The following CTNNA3 variants were observed in gnomAD, a reference collection of about 807,000 sequenced individuals.
CTNNA3 encodes catenin alpha 3.
Under a neutral mutation model 95.7 loss-of-function variants are expected in CTNNA3, and 76 were observed. That is an observed-to-expected ratio of 0.79 (90% CI 0.66 to 0.96). The LOEUF is 0.96. CTNNA3 is among the 40% of genes least tolerant of loss of function. The pLI is 0.00. For synonymous variants in CTNNA3, 431 were observed against 374.4 expected (o/e 1.15, Z -1.74); for missense variants, 1,191 against 1,089.8 (o/e 1.09, Z -1.31).
At chr10:66,768,328 C>G (rs1839948420) in intron 8 of CTNNA3, among the ~76,000 whole-genome samples, 1 of 152,076 alleles carries the variant, frequency 6.6e-6, no homozygotes. Flanking sequence ...CATATGGGAA[C>G]TAACTCAAGC....
chr10:67,380,394 C>G (rs1347695252), intron 5 of CTNNA3, among the ~76,000 whole-genome samples: 1 of 152,122 alleles, frequency 6.6e-6, no homozygotes, highest in Non-Finnish European at 1.5e-5. Context: ...AAAGAATATT[C>G]CTGGAGATTA....
chr10:67,643,191 A>C (rs1839596540), intron 2 of CTNNA3, among the ~76,000 whole-genome samples: 1 of 152,208 alleles, frequency 6.6e-6, no homozygotes, highest in East Asian at 1.9e-4. Context: ...TGGAGTTGGA[A>C]GTCATTATCC....
At chr10:66,678,424 G>T (rs75778721) in intron 9 of CTNNA3, among the ~76,000 whole-genome samples, 2 of 152,192 alleles carry the variant, frequency 1.3e-5, no homozygotes, top group South Asian at 4.1e-4. Context: ...ATAATTATTT[G>T]GTCCCTGTCA....
intron 7 of CTNNA3, among the ~76,000 whole-genome samples, chr10:66,857,999 G>A (rs1357093976): frequency 2.0e-5 from 3 of 152,016 alleles, no homozygotes; most frequent in African/African-American, 7.2e-5. Context: ...CAAGGGAAAT[G>A]CTTCTAGCTT....
chr10:67,188,172 G>C (rs1056109775), intron 6 of CTNNA3, among the ~76,000 whole-genome samples: 4 of 152,202 alleles, frequency 2.6e-5, no homozygotes, highest in African/African-American at 7.2e-5. Flanking sequence ...ACGTAAGTCT[G>C]GACAATTAAA....
intron 5 of CTNNA3, among the ~76,000 whole-genome samples, chr10:67,344,948 G>GT (rs891100985): frequency 3.8e-4 from 57 of 150,006 alleles, no homozygotes; most frequent in African/African-American, 7.8e-4. Context: ...TTTATTTGAA[G>GT]TTTTTTTTTC....
intron 11 of CTNNA3, among the ~76,000 whole-genome samples, chr10:66,471,158 T>G (rs1476010582): frequency 6.6e-6 from 1 of 151,906 alleles, no homozygotes; most frequent in African/African-American, 2.4e-5. Context: ...TTGAAAAAAG[T>G]AGCATTTTTT....
In CTNNA3 at chr10:66,481,709, G is replaced by A. The variant is rs1381811122; in HGVS notation, c.1531+38908C>T. On this transcript the variant is annotated intron_variant, in intron 11 of 17. Transcript: ENST00000433211. Reference sequence around the variant, plus strand: ...GATGGTCTCGATCTCCTGACCTCGTGATCCACCCGCCTCGGCCTCCCAAAG... The same window carrying A: ...GATGGTCTCGATCTCCTGACCTCGTAATCCACCCGCCTCGGCCTCCCAAAG... Among the ~76,000 whole-genome samples the A allele has an allele frequency of 1.3e-5, 2 of 151,440 alleles. 1 individual carries two copies. Among genetic ancestry groups the A allele is most frequent in the African/African-American group, 4.9e-5 (2 of 40,996 alleles).
At chr10:66,531,892 T>C (rs1564515614) in intron 10 of CTNNA3, among the ~76,000 whole-genome samples, 2 of 152,184 alleles carry the variant, frequency 1.3e-5, no homozygotes, top group Non-Finnish European at 1.5e-5. Context: ...TTTTGATCCA[T>C]TATAATTTGC....
chr10:66,859,608 A>C lies in CTNNA3; in HGVS notation c.1048-84084T>G, dbSNP rs373714345. On this transcript the variant is annotated intron_variant, in intron 7 of 17. Transcript: ENST00000433211. ...TCAACCATTGTGGAAGTCAGTGTGG[A>C]GATTCCTCAGGGATCTAGAACTGGA... is the stretch of plus-strand genomic sequence containing the variant. Among the ~76,000 whole-genome samples, 164 of 149,738 alleles carry C rather than the reference A, an allele frequency of 1.1e-3. 1 individual carries two copies. Among genetic ancestry groups the C allele is most frequent in the African/African-American group, 3.7e-3 (150 of 40,694 alleles).
At chr10:66,872,421 T>C (rs1395831104) in intron 7 of CTNNA3, among the ~76,000 whole-genome samples, 1 of 152,084 alleles carries the variant, frequency 6.6e-6, no homozygotes, top group African/African-American at 2.4e-5. Flanking sequence ...GTAATACTAG[T>C]ATTTTGGGAG....
chr10:66,712,214 CAT>C (rs1332286138), intron 9 of CTNNA3, among the ~76,000 whole-genome samples: 1 of 152,064 alleles, frequency 6.6e-6, no homozygotes, highest in Non-Finnish European at 1.5e-5. Flanking sequence ...AAATAATAAA[CAT>C]GTGATACAAG....
chr10:67,233,919 G>A (rs960288150), intron 5 of CTNNA3, among the ~76,000 whole-genome samples: 8 of 152,106 alleles, frequency 5.3e-5, no homozygotes, highest in Non-Finnish European at 2.9e-5. Context: ...TAGAAGAAAC[G>A]GATAAATTCC....
intron 12 of CTNNA3, among the ~76,000 whole-genome samples, chr10:66,340,756 A>T (rs1158496302): frequency 6.6e-6 from 1 of 151,686 alleles, no homozygotes; most frequent in Non-Finnish European, 1.5e-5. Context: ...ATCCTGAGAG[A>T]TATACGGATG....
chr10:67,136,327 AG>A (rs1369322892), intron 7 of CTNNA3, among the ~76,000 whole-genome samples: 1 of 152,138 alleles, frequency 6.6e-6, no homozygotes, highest in Non-Finnish European at 1.5e-5. Context: ...AATCCTAAAA[AG>A]CAGAGAGTGT....
rs572841614 is a variant in CTNNA3 at position 67,576,916 on chromosome 10, G to T, written c.292+29941C>A. Among the ~76,000 whole-genome samples the T allele has an allele frequency of 6.6e-3, 788 of 119,548 alleles. 79 individuals are homozygous for T. Among genetic ancestry groups the T allele is most frequent in the Middle Eastern group, 0.015 (4 of 266 alleles). 78.4% of individuals were successfully genotyped at this position (119,548 alleles called of 152,430 possible). A position where few individuals can be genotyped will look rare whatever the true frequency, so the allele number is the denominator to read the frequency against. ...TCTTATGGTGTCATAGTATTCCATG[G>T]TGTATATGTGCCACATTTTCTTAAT... is the stretch of plus-strand genomic sequence containing the variant. On this transcript the variant is annotated intron_variant, in intron 3 of 17. Coordinates refer to ENST00000433211, the MANE Select transcript of CTNNA3 (RefSeq NM_013266.4).
At chr10:67,159,117 T>C (rs1861429701) in intron 7 of CTNNA3, among the ~76,000 whole-genome samples, 1 of 152,138 alleles carries the variant, frequency 6.6e-6, no homozygotes, top group African/African-American at 2.4e-5. Flanking sequence ...ATTCCAGACA[T>C]TGTATAGAAC....
intron 10 of CTNNA3, among the ~76,000 whole-genome samples, chr10:66,585,404 T>A (rs912177807): frequency 6.6e-6 from 1 of 152,016 alleles, no homozygotes; most frequent in African/African-American, 2.4e-5. Context: ...TTTGTTTACT[T>A]TTGCTGTGCT....
intron 12 of CTNNA3, among the ~76,000 whole-genome samples, chr10:66,286,535 G>T (rs1783977447): frequency 6.6e-6 from 1 of 152,026 alleles, no homozygotes; most frequent in Admixed American, 6.6e-5. Context: ...AAATAGAAAG[G>T]TAAAAGGGCT....
Sources: allele counts gnomAD v4.1 joint callset (sites outside exome capture counted in the v4.1 genomes callset), GRCh38; gene constraint gnomAD v4.1.1; transcripts MANE v1.5; gene names NCBI Gene and HGNC (gene_info 2026-07-23, HGNC 2026-07-21).